The following CCSER1 variants were observed in gnomAD, a reference collection of about 807,000 sequenced individuals.
CCSER1 encodes the protein serine-rich coiled-coil domain-containing protein 1.
A neutral mutation model predicts 82.0 loss-of-function variants in CCSER1; 41 were observed. The observed-to-expected ratio is 0.50, with a 90% CI of 0.39 to 0.65. The LOEUF (loss-of-function observed/expected upper bound fraction) is 0.65. Among genes scored for constraint, CCSER1 ranks in the 30% least tolerant of loss-of-function variants. CCSER1 has a pLI of 0.00. For missense variants in CCSER1, 1,119 were observed against 1,064.2 expected, an observed-to-expected ratio of 1.05 and a Z score of -0.72; for synonymous variants, 414 against 383.9, an observed-to-expected ratio of 1.08 and a Z score of -0.92.
intron 10 of CCSER1, among the ~76,000 whole-genome samples, chr4:91,426,322 A>G (rs1753970182): frequency 6.6e-6 from 1 of 152,154 alleles, no homozygotes; most frequent in South Asian, 2.1e-4. Context: ...AGTCTTCGTT[A>G]TTGTGAATAG....
chr4:90,139,335 G>T (rs941952950), intron 1 of CCSER1, among the ~76,000 whole-genome samples: 3 of 152,084 alleles, frequency 2.0e-5, no homozygotes, highest in African/African-American at 7.2e-5. Context: ...AGGTTCCATG[G>T]TTTCTATTTT....
At chr4:91,181,216 A>G (rs1159424486) in intron 10 of CCSER1, among the ~76,000 whole-genome samples, 3 of 152,224 alleles carry the variant, frequency 2.0e-5, no homozygotes, top group Admixed American at 6.5e-5. Context: ...TTTGATTTGC[A>G]AATTGATAAA....
chr4:90,182,629 G>A (rs1733926229), intron 1 of CCSER1, among the ~76,000 whole-genome samples: 1 of 152,084 alleles, frequency 6.6e-6, no homozygotes, highest in African/African-American at 2.4e-5. Flanking sequence ...TTAGGCAATT[G>A]CAGATAATTT....
intron 8 of CCSER1, among the ~76,000 whole-genome samples, chr4:90,848,758 G>C (rs1484979202): frequency 2.0e-5 from 3 of 152,160 alleles, no homozygotes; most frequent in Non-Finnish European, 4.4e-5. Flanking sequence ...GGAGATAATT[G>C]AATCTTGGAG....
chr4:90,427,409 T>C (rs1374637243), intron 4 of CCSER1, among the ~76,000 whole-genome samples: 1 of 151,500 alleles, frequency 6.6e-6, no homozygotes, highest in Non-Finnish European at 1.5e-5. Flanking sequence ...AATGGAAGGA[T>C]TTGAAGGAAT....
At chr4:90,806,846 A>C (rs1580564386) in intron 7 of CCSER1, among the ~76,000 whole-genome samples, 2 of 149,172 alleles carry the variant, frequency 1.3e-5, no homozygotes, top group African/African-American at 4.9e-5. Flanking sequence ...ACTGTCCCCT[A>C]CTCAATCCTG....
chr4:90,809,277 T>C (rs1181465905), intron 7 of CCSER1, among the ~76,000 whole-genome samples: 1 of 150,278 alleles, frequency 6.7e-6, no homozygotes, highest in East Asian at 2.0e-4. Flanking sequence ...CTGATCATAC[T>C]ACTGTACTCC....
At chr4:90,249,870 A>G (rs191642099) in intron 1 of CCSER1, among the ~76,000 whole-genome samples, 1 of 152,222 alleles carries the variant, frequency 6.6e-6, no homozygotes, top group African/African-American at 2.4e-5. Context: ...GCAATGCAGG[A>G]CGATTCCAGT....
intron 10 of CCSER1, among the ~76,000 whole-genome samples, chr4:91,295,254 T>G: frequency 6.6e-6 from 1 of 152,010 alleles, no homozygotes; most frequent in East Asian, 1.9e-4. Flanking sequence ...CAAAATGAAA[T>G]AATTCAAGTA....
intron 5 of CCSER1, among the ~76,000 whole-genome samples, chr4:90,536,254 G>A (rs1377710888): frequency 6.6e-6 from 1 of 151,938 alleles, no homozygotes; most frequent in East Asian, 1.9e-4. Context: ...GGCTGGTCAC[G>A]AACTCCTGAC....
intron 10 of CCSER1, among the ~76,000 whole-genome samples, chr4:91,590,436 T>G (rs547532401): frequency 1.3e-5 from 2 of 152,260 alleles, no homozygotes; most frequent in Non-Finnish European, 2.9e-5. Context: ...TTCCTAGACC[T>G]TTAACAGAAC....
intron 8 of CCSER1, among the ~76,000 whole-genome samples, chr4:90,870,262 G>A (rs1262453058): frequency 6.6e-6 from 1 of 151,754 alleles, no homozygotes; most frequent in African/African-American, 2.4e-5. Context: ...TACTCTTGTT[G>A]TGTTCCAGAT....
At chr4:90,430,656 A>T (rs548144174) in intron 4 of CCSER1, among the ~76,000 whole-genome samples, 1 of 152,014 alleles carries the variant, frequency 6.6e-6, no homozygotes. Flanking sequence ...TGAAAACCAT[A>T]CAGCAAACTT....
chr4:90,978,224 C>T lies in CCSER1; in HGVS notation c.2172+54777C>T, dbSNP rs187546063. Among the ~76,000 whole-genome samples the T allele has an allele frequency of 5.3e-5, 8 of 151,630 alleles. No individual in the cohort carries two copies. In the East Asian group the frequency reaches 5.8e-4, roughly 11 times the overall value. On this transcript the variant is annotated intron_variant, in intron 9 of 10. Transcript: ENST00000509176. ...GTTACTACCTTGATATATTCAAATG[C>T]GTCACTTAATCATTTATATTTTGTG...
At chr4:90,960,745 T>G (rs1343214563) in intron 9 of CCSER1, among the ~76,000 whole-genome samples, 2 of 152,162 alleles carry the variant, frequency 1.3e-5, no homozygotes, top group Admixed American at 1.3e-4. Context: ...CTCGACTCCT[T>G]GCTGCATTAG....
intron 3 of CCSER1, among the ~76,000 whole-genome samples, chr4:90,371,564 A>G (rs1382508347): frequency 6.6e-6 from 1 of 152,148 alleles, no homozygotes; most frequent in African/African-American, 2.4e-5. Context: ...ACAGTTATGA[A>G]AAAGGTTAAC....
At chr4:90,556,936 A>G (rs985110875) in intron 5 of CCSER1, among the ~76,000 whole-genome samples, 50 of 151,944 alleles carry the variant, frequency 3.3e-4, no homozygotes, top group Admixed American at 3.0e-3. Context: ...TCCCTTCTTT[A>G]TTAGCAAACA....
chr4:91,447,392 T>G (rs1368659431), intron 10 of CCSER1, among the ~76,000 whole-genome samples: 3 of 48,864 alleles, frequency 6.1e-5, no homozygotes, highest in African/African-American at 1.2e-4. Context: ...CACTCCCCCC[T>G]AAACCTGCTA....
Position 91,572,144 on chromosome 4 carries a change from G to A in CCSER1, c.2218-26428G>A, listed in dbSNP as rs181505115. 3.3e-5 allele frequency among the ~76,000 whole-genome samples: 5 copies of A among 152,146 alleles called. No individual in the cohort carries two copies. In the East Asian group the frequency reaches 9.7e-4, roughly 30 times the overall value. On this transcript the variant is annotated intron_variant, in intron 10 of 10. Transcript: ENST00000509176. ...GCCCAGTGAGAAAATACGGGAATGGGTACCCATTTAATAATCTGGCCACTT... is the reference window on the plus strand; with the variant it reads ...GCCCAGTGAGAAAATACGGGAATGGATACCCATTTAATAATCTGGCCACTT...
Sources: gnomAD v4.1 joint callset for allele counts (sites outside exome capture counted in the v4.1 genomes callset) on GRCh38, gnomAD v4.1.1 for gene constraint, MANE v1.5 for transcripts, NCBI Gene and HGNC (gene_info 2026-07-23, HGNC 2026-07-21) for gene names.